TAFA1: variants seen among roughly 807,000 people sequenced by gnomAD.
TAFA1 encodes the protein chemokine-like protein TAFA-1.
In TAFA1, 4 loss-of-function variants were observed where a neutral mutation model predicts 18.5. The observed-to-expected ratio is 0.22, with a 90% confidence interval of 0.11 to 0.49. The LOEUF (loss-of-function observed/expected upper bound fraction) is 0.49. TAFA1 is among the 20% of genes least tolerant of loss of function. The pLI, the probability that TAFA1 is intolerant of heterozygous loss-of-function variation, is 0.98. For missense variants in TAFA1, 147 were observed against 169.0 expected, an observed-to-expected ratio of 0.87 and a Z score of 0.72; for synonymous variants, 56 against 55.2, an observed-to-expected ratio of 1.01 and a Z score of -0.06.
chr3:68,305,671 G>A (rs1199034468), intron 2 of TAFA1, among the ~76,000 whole-genome samples: 3 of 151,666 alleles, frequency 2.0e-5, no homozygotes, highest in Admixed American at 1.3e-4. Flanking sequence ...GGGGTCAGGG[G>A]ATGGAAAGAA....
chr3:68,335,795 C>T (rs1442716913), intron 2 of TAFA1, among the ~76,000 whole-genome samples: 1 of 152,106 alleles, frequency 6.6e-6, no homozygotes, highest in Non-Finnish European at 1.5e-5. Context: ...ATTATGTGCT[C>T]AAGTAAAAAT....
At chr3:68,523,246 C>G (rs1375984491) in intron 3 of TAFA1, among the ~76,000 whole-genome samples, 1 of 152,140 alleles carries the variant, frequency 6.6e-6, no homozygotes, top group East Asian at 1.9e-4. Context: ...AAACACGCAG[C>G]CCCAGTGTTG....
intron 2 of TAFA1, among the ~76,000 whole-genome samples, chr3:68,233,996 G>A (rs6549072): frequency 0.84 from 127,478 of 152,196 alleles, 53,942 homozygotes; most frequent in African/African-American, 0.95. Flanking sequence ...TAATTGTGGA[G>A]TTCAAGCCAG....
intron 3 of TAFA1, among the ~76,000 whole-genome samples, chr3:68,457,670 T>G (rs1260073835): frequency 6.6e-6 from 1 of 152,212 alleles, no homozygotes; most frequent in African/African-American, 2.4e-5. Flanking sequence ...AAATTTACTC[T>G]CTTAGCAATT....
chr3:68,157,637 T>G (rs1332595433), intron 2 of TAFA1, among the ~76,000 whole-genome samples: 2 of 152,192 alleles, frequency 1.3e-5, no homozygotes, highest in African/African-American at 4.8e-5. Context: ...TCATATGTGG[T>G]CTCTTTAGTC....
chr3:68,209,269 A>T (rs1201101285), intron 2 of TAFA1, among the ~76,000 whole-genome samples: 1 of 152,028 alleles, frequency 6.6e-6, no homozygotes, highest in Non-Finnish European at 1.5e-5. Flanking sequence ...TGATACACAG[A>T]AACAGTGCAG....
chr3:68,291,851 G>T (rs1460983017), intron 2 of TAFA1, among the ~76,000 whole-genome samples: 1 of 152,058 alleles, frequency 6.6e-6, no homozygotes, highest in Non-Finnish European at 1.5e-5. Flanking sequence ...CCATACAAGG[G>T]ATAACAGAAA....
intron 2 of TAFA1, among the ~76,000 whole-genome samples, chr3:68,352,917 G>T (rs985061415): frequency 6.6e-6 from 1 of 152,110 alleles, no homozygotes; most frequent in Admixed American, 6.6e-5. Context: ...CCTTCCCAGG[G>T]TATAGGGCTG....
chr3:68,212,494 C>T (rs887754539), intron 2 of TAFA1, among the ~76,000 whole-genome samples: 9 of 151,836 alleles, frequency 5.9e-5, no homozygotes, highest in African/African-American at 2.2e-4. Flanking sequence ...CCTTATAGGT[C>T]CGGATGACTT....
chr3:68,031,841 G>A (rs1262530641), intron 2 of TAFA1, among the ~76,000 whole-genome samples: 2 of 152,066 alleles, frequency 1.3e-5, no homozygotes, highest in Non-Finnish European at 2.9e-5. Context: ...TTCATTTTCT[G>A]TTCAAATCTA....
chr3:68,027,322 G>A (rs1416504161), intron 2 of TAFA1, among the ~76,000 whole-genome samples: 1 of 152,080 alleles, frequency 6.6e-6, no homozygotes, highest in Non-Finnish European at 1.5e-5. Flanking sequence ...GAGGACACTG[G>A]GGCTATGGAA....
At chr3:68,140,003 C>A (rs1002543155) in intron 2 of TAFA1, among the ~76,000 whole-genome samples, 8 of 152,146 alleles carry the variant, frequency 5.3e-5, no homozygotes, top group Non-Finnish European at 1.0e-4. Context: ...GAGTGAGACT[C>A]TAAATATGTC....
intron 2 of TAFA1, among the ~76,000 whole-genome samples, chr3:68,078,220 T>C (rs2064851648): frequency 6.6e-6 from 1 of 152,106 alleles, no homozygotes; most frequent in Non-Finnish European, 1.5e-5. Context: ...GCTGAGACAA[T>C]GGGGTTTTCT....
At chr3:68,209,628 G>A (rs1360593286) in intron 2 of TAFA1, among the ~76,000 whole-genome samples, 2 of 151,980 alleles carry the variant, frequency 1.3e-5, no homozygotes, top group African/African-American at 4.8e-5. Flanking sequence ...GGCTTCCAAT[G>A]TGTTTAGACA....
At position 68,263,449 on chromosome 3, in the gene TAFA1, A is replaced by ACACACG. The variant is rs199696905; in HGVS notation, c.119-153826_119-153825insGCACAC. 7.3e-3 allele frequency among the ~76,000 whole-genome samples: 1,037 copies of ACACACG among 142,154 alleles called. 21 individuals are homozygous for ACACACG. The highest frequency in any genetic ancestry group is 0.042 in the East Asian group (168 of 4,044). The allele number at this position is 142,154 out of a possible 152,430, so 93.3% of individuals were successfully genotyped here. A position where few individuals can be genotyped will look rare whatever the true frequency, so the allele number is the denominator to read the frequency against. On this transcript the variant is annotated intron_variant, in intron 2 of 4. Transcript: ENST00000478136. ...AGATACTTTAACCACACACACATACACACACACACACACACACACACACAC... is the reference window on the plus strand; with the variant it reads ...AGATACTTTAACCACACACACATACACACACGCACACACACACACACACACACACAC...
chr3:68,540,202 C>T (rs546162574), intron 4 of TAFA1, among the ~76,000 whole-genome samples: 1 of 151,506 alleles, frequency 6.6e-6, no homozygotes, highest in South Asian at 2.1e-4. Flanking sequence ...TATCAAATTT[C>T]CTTGCCTTTT....
At chr3:68,471,968 G>A (rs924928924) in intron 3 of TAFA1, among the ~76,000 whole-genome samples, 1 of 152,164 alleles carries the variant, frequency 6.6e-6, no homozygotes, top group African/African-American at 2.4e-5. Flanking sequence ...CCTACTCTCA[G>A]ATGAGACTTT....
intron 2 of TAFA1, among the ~76,000 whole-genome samples, chr3:68,384,868 A>G (rs1047093594): frequency 6.6e-6 from 1 of 152,054 alleles, no homozygotes; most frequent in African/African-American, 2.4e-5. Context: ...GTGTATATAT[A>G]TTTAGGATAC....
chr3:68,368,281 A>T (rs1326353828), intron 2 of TAFA1, among the ~76,000 whole-genome samples: 3 of 152,202 alleles, frequency 2.0e-5, no homozygotes, highest in Non-Finnish European at 4.4e-5. Context: ...ATGTTAGATT[A>T]ATATATGTTT....
Sources: gnomAD v4.1 joint callset for allele counts (sites outside exome capture counted in the v4.1 genomes callset) on GRCh38, gnomAD v4.1.1 for gene constraint, MANE v1.5 for transcripts, NCBI Gene and HGNC (gene_info 2026-07-23, HGNC 2026-07-21) for gene names.